The following MED24 variants were observed in gnomAD, a reference collection of about 807,000 sequenced individuals.
The protein encoded by MED24 is mediator of RNA polymerase II transcription subunit 24.
In MED24, 74 loss-of-function variants were observed where a neutral mutation model predicts 118.8. That is an observed-to-expected ratio of 0.62 (90% CI 0.52 to 0.76). The LOEUF is 0.76. Ranked by LOEUF, MED24 falls within the 30% of genes least tolerant of loss-of-function variation. The probability of loss-of-function intolerance (pLI) is 0.00; values close to 1 mark genes in which losing one functional copy is unlikely to be tolerated. For synonymous variants in MED24, 521 were observed against 523.9 expected, an observed-to-expected ratio of 0.99 and a Z score of 0.08; for missense variants, 1,041 against 1,278.9, an observed-to-expected ratio of 0.81 and a Z score of 2.84.
chr17:40,050,047 G>C (rs1228510988), intron 3 of MED24, among the ~76,000 whole-genome samples: 2 of 150,854 alleles, frequency 1.3e-5, no homozygotes. Flanking sequence ...CTACTCGGGA[G>C]GCTGAGGCAG....
intron 3 of MED24, among the ~76,000 whole-genome samples, chr17:40,046,147 C>T (rs1598369006): frequency 6.8e-6 from 1 of 146,796 alleles, no homozygotes; most frequent in Non-Finnish European, 1.5e-5. Context: ...CGCAGTGGCG[C>T]GATCTCTGCT....
At chr17:40,036,273 T>C in intron 3 of MED24, 119 bp from the exon 4 acceptor site, 3 of 964,120 alleles carry the variant, frequency 3.1e-6, no homozygotes, top group South Asian at 2.9e-5. Context: ...CCACAGGCCC[T>C]CTTCAACCCA....
intron 21 of MED24, 38 bp from the exon 22 acceptor site, chr17:40,022,522 G>T (rs1453349035): frequency 1.3e-6 from 2 of 1,595,120 alleles, no homozygotes; most frequent in Non-Finnish European, 1.7e-6. Context: ...ACAGTGAGAG[G>T]TGCCCCAGGA....
intron 9 of MED24, chr17:40,032,339 CA>C (rs1983488744): frequency 1.7e-5 from 10 of 579,084 alleles, no homozygotes; most frequent in Non-Finnish European, 2.4e-5. Context: ...ATGCCATAAG[CA>C]AAAGTGGATC....
Position 40,035,188 on chromosome 17 carries a change from T to G in MED24, c.488A>C (p.Gln163Pro), listed in dbSNP as rs1983794473. The part of the protein sequence containing the change: ...AGEKQLAMCL[Q>P]RLEKTLSSTK... ...GCTGCTGAGGGTTTTCTCCAGGCGC[T>G]GAAGGCACATGGCAAGCTGCTTCTC... Residue 163 changes from glutamine to proline, a missense_variant, in exon 6 of 26, where the codon CAG becomes CCG. By Grantham distance (76) the Gln-to-Pro change is moderately conservative. Around this residue, in one of 3 missense-constraint regions of MED24, gnomAD observed 434 missense variants for 514.9 expected, o/e 0.84. Transcript: ENST00000394128. 6.2e-7 allele frequency: 1 copy of G among 1,614,076 alleles called. No individual in the cohort carries two copies. Among genetic ancestry groups the G allele is most frequent in the East Asian group, 2.2e-5 (1 of 44,854 alleles).
chr17:40,052,642 C>G (rs917057179), intron 3 of MED24, among the ~76,000 whole-genome samples: 2 of 152,008 alleles, frequency 1.3e-5, no homozygotes, highest in Non-Finnish European at 2.9e-5. Flanking sequence ...TGTTCTGTTG[C>G]CCAGGCTGGA....
chr17:40,031,092 G>A (rs966156754), intron 12 of MED24, 67 bp downstream of exon 12: 34 of 1,460,524 alleles, frequency 2.3e-5, no homozygotes, highest in Non-Finnish European at 2.9e-5. Context: ...AAGGCACGCA[G>A]CAGCCCCACC....
At position 40,046,178 on chromosome 17, in the gene MED24, G is replaced by A. The variant is rs1985168843; in HGVS notation, c.213+7120C>T. 3.4e-5 allele frequency among the ~76,000 whole-genome samples: 5 copies of A among 147,656 alleles called. No homozygotes were observed. In the South Asian group the frequency reaches 8.5e-4, roughly 25 times the overall value. ...CTGCTCACTGCAAGCTCCGCCTCCCGGGTTCACGCCATTCTCCTGCCTCAG... is the reference window on the plus strand; with the variant it reads ...CTGCTCACTGCAAGCTCCGCCTCCCAGGTTCACGCCATTCTCCTGCCTCAG... On this transcript the variant is annotated intron_variant, in intron 3 of 25. Transcript: ENST00000394128.
In MED24 at chr17:40,022,055, C is replaced by T; in HGVS notation, c.2524-1G>A. The stretch of plus-strand genomic sequence containing the variant: ...CCAGGGGGAAGAGGCTGATATAATC[C>T]TAGAGGGAGTGAAAGTCACTGTTAT... On this transcript the variant is annotated splice_acceptor_variant, in intron 22 of 25. Transcript: ENST00000394128. LOFTEE classifies it high-confidence loss of function. The T allele has an allele frequency of 6.3e-7, 1 of 1,595,490 alleles. No homozygotes were observed. The highest frequency in any genetic ancestry group is 8.5e-7 in the Non-Finnish European group (1 of 1,170,690).
At chr17:40,032,514 G>A (rs999879156) in intron 9 of MED24, 135 bp downstream of exon 9, 1 of 659,048 alleles carries the variant, frequency 1.5e-6, no homozygotes, top group African/African-American at 1.8e-5. Context: ...ATGATCAATG[G>A]GAACTTGCAC....
chr17:40,027,814 C>T (rs986944736), intron 15 of MED24, 95 bp downstream of exon 15: 2 of 1,342,738 alleles, frequency 1.5e-6, no homozygotes, highest in Non-Finnish European at 2.1e-6. Context: ...ACAGCCTCCC[C>T]CTGTTGAGCT....
At chr17:40,036,830 T>G (rs1983999264) in intron 3 of MED24, among the ~76,000 whole-genome samples, 1 of 152,046 alleles carries the variant, frequency 6.6e-6, no homozygotes, top group African/African-American at 2.4e-5. Flanking sequence ...GAGGTTTTAA[T>G]GGGTAAGAAC....
At position 40,019,927 on chromosome 17, in the gene MED24, A is replaced by C. The variant is rs1981744521; in HGVS notation, c.2711T>G (p.Leu904Arg). 1 of 1,564,694 alleles carries C rather than the reference A, an allele frequency of 6.4e-7. No homozygotes were observed. The highest frequency in any genetic ancestry group is 8.7e-7 in the Non-Finnish European group (1 of 1,153,862). Residue 904 changes from leucine (L) to arginine (R), a missense_variant, in exon 25 of 26, where the codon CTG becomes CGG. Around this residue, in one of 3 missense-constraint regions of MED24, gnomAD observed 587 missense variants for 694.4 expected, o/e 0.85. Coordinates refer to ENST00000394128, the MANE Select transcript of MED24 (RefSeq NM_014815.4). ...CAGGATGGAGGAGATGAGCAGGAAC[A>C]GGTTGGCTGTAGAGAGTGGGGGGAG... ...RDPLNRVLAN[L>R]FLLISSILGS...
chr17:40,049,830 T>C (rs1413101335), intron 3 of MED24, among the ~76,000 whole-genome samples: 1 of 151,640 alleles, frequency 6.6e-6, no homozygotes, highest in African/African-American at 2.4e-5. Context: ...CACCTTAATT[T>C]TTCGACTTTA....
chr17:40,022,366 A>G (rs1164138950), intron 22 of MED24, 28 bp downstream of exon 22: 5 of 1,582,058 alleles, frequency 3.2e-6, no homozygotes, highest in Non-Finnish European at 4.3e-6. Context: ...GAACAAGTGA[A>G]GCCGGCGAGG....
chr17:40,029,616 A>G lies in MED24; in HGVS notation c.1266+132T>C. ...AGCTGCCCTTGCCTCCCCTTTCACTACCTCCAAAGCAACTATGTATAAAAG... is the reference window on the plus strand; with the variant it reads ...AGCTGCCCTTGCCTCCCCTTTCACTGCCTCCAAAGCAACTATGTATAAAAG... On this transcript the variant is annotated intron_variant, in intron 13 of 25. Coordinates refer to ENST00000394128, the MANE Select transcript of MED24 (RefSeq NM_014815.4). 1.6e-5 allele frequency: 13 copies of G among 824,414 alleles called. 1 individual carries two copies. The South Asian group carries it at 2.1e-4, about 14-fold the overall frequency. 51.1% of individuals were successfully genotyped at this position (824,414 alleles called of 1,614,324 possible).
In MED24 at chr17:40,035,187, C is replaced by T; in HGVS notation, c.489G>A (p.Gln163=). The change falls in exon 6 of 26, where the codon CAG becomes CAA. Residue 163 remains glutamine, a synonymous_variant. Transcript: ENST00000394128. ...AGEKQLAMCL[Q]RLEKTLSSTK... ...TGCTGCTGAGGGTTTTCTCCAGGCG[C>T]TGAAGGCACATGGCAAGCTGCTTCT... 2 of 1,614,132 alleles carry T rather than the reference C, an allele frequency of 1.2e-6. No homozygotes were observed. Among genetic ancestry groups the T allele is most frequent in the Non-Finnish European group, 1.7e-6 (2 of 1,180,026 alleles).
In MED24 at chr17:40,029,766, A is replaced by T. The variant is rs758610267; in HGVS notation, c.1248T>A (p.Thr416=). ...CACTCACCTTGAGGATGTTTGTGACAGTGGGCTCCGCCCGGAGGATCAGCT... is the reference window on the plus strand; with the variant it reads ...CACTCACCTTGAGGATGTTTGTGACTGTGGGCTCCGCCCGGAGGATCAGCT... The part of the protein sequence containing the change: ...NIQLILRAEP[T]VTNILKTMDA... Residue 416 remains threonine (T), a synonymous_variant, in exon 13 of 26, where the codon ACT becomes ACA. Transcript: ENST00000394128. 1.2e-6 allele frequency: 2 copies of T among 1,614,070 alleles called. No individual in the cohort carries two copies. The highest frequency in any genetic ancestry group is 2.7e-5 in the African/African-American group (2 of 74,938).
At chr17:40,030,120 C>T (rs990983908) in intron 12 of MED24, among the ~76,000 whole-genome samples, 4 of 152,004 alleles carry the variant, frequency 2.6e-5, no homozygotes, top group African/African-American at 9.7e-5. Context: ...GCAGCCTCTG[C>T]CTCCAGAGTA....
Sources: gnomAD v4.1 joint callset for allele counts (sites outside exome capture counted in the v4.1 genomes callset) on GRCh38, gnomAD v4.1.1 for gene constraint, gnomAD v4.1.1 regional missense constraint, MANE v1.5 for transcripts, NCBI Gene and HGNC (gene_info 2026-07-23, HGNC 2026-07-21) for gene names.